The following AFG2A variants were observed in gnomAD, a reference collection of about 807,000 sequenced individuals.
AFG2A encodes AAA ATPase AFG2A.
At chr4:123,087,762 C>G in the AFG2A span, among the ~76,000 whole-genome samples, 1 of 152,180 alleles carries the variant, frequency 6.6e-6, no homozygotes, top group South Asian at 2.1e-4. Flanking sequence ...TTGTGATTTT[C>G]TGTACCTGGG....
chr4:123,177,647 C>T, the AFG2A span, among the ~76,000 whole-genome samples: 255 of 152,216 alleles, frequency 1.7e-3, 1 homozygote, highest in Middle Eastern at 0.014. Context: ...GCAGTATTTT[C>T]GATATTAACA....
chr4:123,262,254 C>A, the AFG2A span, among the ~76,000 whole-genome samples: 5 of 152,192 alleles, frequency 3.3e-5, no homozygotes, highest in Admixed American at 6.5e-5. Flanking sequence ...ATTTTACCAA[C>A]CAAAAATGTC....
chr4:122,924,856 AAAAT>A, the AFG2A span, among the ~76,000 whole-genome samples: 1 of 152,192 alleles, frequency 6.6e-6, no homozygotes, highest in African/African-American at 2.4e-5. Context: ...ATTTTCTAGA[AAAAT>A]AAGGAAAAAT....
At chr4:123,215,554 A>G in the AFG2A span, among the ~76,000 whole-genome samples, 8 of 152,186 alleles carry the variant, frequency 5.3e-5, no homozygotes, top group African/African-American at 1.9e-4. Context: ...ATGAGAACAG[A>G]CCTGCAAAAG....
At chr4:123,205,311 T>G in the AFG2A span, among the ~76,000 whole-genome samples, 135 of 152,208 alleles carry the variant, frequency 8.9e-4, 1 homozygote, top group Middle Eastern at 3.4e-3. Flanking sequence ...CCACCTCAAT[T>G]TAGTAGCTGT....
the AFG2A span, among the ~76,000 whole-genome samples, chr4:123,042,572 G>A: frequency 6.6e-6 from 1 of 152,144 alleles, no homozygotes; most frequent in Non-Finnish European, 1.5e-5. Flanking sequence ...TTTCCAACTT[G>A]AAAGATTTGT....
chr4:123,182,217 A>G, the AFG2A span, among the ~76,000 whole-genome samples: 5 of 152,250 alleles, frequency 3.3e-5, no homozygotes, highest in African/African-American at 4.8e-5. Flanking sequence ...ACATGTTTTC[A>G]TAACTGAATT....
the AFG2A span, among the ~76,000 whole-genome samples, chr4:123,098,213 T>G: frequency 6.6e-6 from 1 of 151,956 alleles, no homozygotes; most frequent in Non-Finnish European, 1.5e-5. Flanking sequence ...GAACCTCACG[T>G]TTTTGTTTCT....
At chr4:122,998,450 A>C in the AFG2A span, among the ~76,000 whole-genome samples, 1 of 151,574 alleles carries the variant, frequency 6.6e-6, no homozygotes, top group Non-Finnish European at 1.5e-5. Context: ...TCCTAATGCT[A>C]TCCCTCCCCA....
chr4:123,008,601 T>G, the AFG2A span, among the ~76,000 whole-genome samples: 1 of 152,256 alleles, frequency 6.6e-6, no homozygotes, highest in South Asian at 2.1e-4. Context: ...AATTGCTGTC[T>G]GAATTTCATG....
At chr4:123,296,226 A>T in the AFG2A span, among the ~76,000 whole-genome samples, 1 of 152,170 alleles carries the variant, frequency 6.6e-6, no homozygotes, top group Admixed American at 6.5e-5. Flanking sequence ...AGATCTTAAT[A>T]CAAGTTAATA....
the AFG2A span, among the ~76,000 whole-genome samples, chr4:123,144,966 C>G: frequency 6.6e-6 from 1 of 151,792 alleles, no homozygotes; most frequent in South Asian, 2.1e-4. Context: ...TTTTTTTTCT[C>G]TTTTCCATTT....
chr4:122,933,302 T>G, the AFG2A span: 1 of 665,514 alleles, frequency 1.5e-6, no homozygotes, highest in East Asian at 3.1e-5. Flanking sequence ...ATTGTATACA[T>G]TATTTATTTT....
chr4:123,079,741 CCTT>C, the AFG2A span, among the ~76,000 whole-genome samples: 1 of 116,110 alleles, frequency 8.6e-6, no homozygotes, highest in Non-Finnish European at 1.7e-5. Context: ...TTTTTCTTTT[CCTT>C]CTTTTTTTTT....
chr4:122,934,559 T>C, the AFG2A span: 2 of 1,613,892 alleles, frequency 1.2e-6, no homozygotes, highest in Non-Finnish European at 8.5e-7. Flanking sequence ...ACTGATACTT[T>C]TTATTTTATT....
the AFG2A span, among the ~76,000 whole-genome samples, chr4:123,135,244 G>C: frequency 6.6e-6 from 1 of 152,216 alleles, no homozygotes; most frequent in Admixed American, 6.5e-5. Flanking sequence ...ATTAGGTACA[G>C]AAGGAATGTT....
chr4:123,151,144 T>G, the AFG2A span, among the ~76,000 whole-genome samples: 2 of 152,148 alleles, frequency 1.3e-5, no homozygotes, highest in Non-Finnish European at 2.9e-5. Context: ...GACTTAAACA[T>G]AAGACCTAAA....
At chr4:123,057,100 TTGACTTGTACCTAATAGG>T in the AFG2A span, 2 of 1,095,972 alleles carry the variant, frequency 1.8e-6, no homozygotes, top group Non-Finnish European at 2.7e-6. Flanking sequence ...ACTGGGCTTG[TTGACTTGTACCTAATAGG>T]TTTGGTTCTA....
At chr4:123,015,805 G>T in the AFG2A span, among the ~76,000 whole-genome samples, 10 of 71,816 alleles carry the variant, frequency 1.4e-4, no homozygotes, top group Non-Finnish European at 2.8e-4. Context: ...CGGCTCGGGT[G>T]GGGGGCTGAC....
Sources: gnomAD v4.1 joint callset for allele counts (sites outside exome capture counted in the v4.1 genomes callset) on GRCh38, gnomAD v4.1.1 for gene constraint, MANE v1.5 for transcripts, NCBI Gene and HGNC (gene_info 2026-07-23, HGNC 2026-07-21) for gene names.